SVIL: variants seen among roughly 807,000 people sequenced by gnomAD.
The protein encoded by SVIL is supervillin, also known as archvillin.
Under a neutral mutation model 240.4 loss-of-function variants are expected in SVIL, and 101 were observed. The observed-to-expected ratio is 0.42, with a 90% CI of 0.36 to 0.50. The LOEUF is 0.50. SVIL is among the 20% of genes least tolerant of loss of function. The probability of loss-of-function intolerance (pLI) is 0.01; values close to 1 mark genes in which losing one functional copy is unlikely to be tolerated. For synonymous variants in SVIL, 999 were observed against 1,100.0 expected, an observed-to-expected ratio of 0.91 and a Z score of 1.82; for missense variants, 2,512 against 2,818.7, an observed-to-expected ratio of 0.89 and a Z score of 2.46.
intron 1 of SVIL, among the ~76,000 whole-genome samples, chr10:29,588,809 C>T (rs923269733): frequency 6.6e-6 from 1 of 152,184 alleles, no homozygotes; most frequent in African/African-American, 2.4e-5. Flanking sequence ...AAATGCGTAA[C>T]TGACTTCCCC....
At position 29,533,391 on chromosome 10, in the gene SVIL, ACT is replaced by A; in HGVS notation, c.974_975del (p.Glu325ValfsTer20). ...SARNSPELAS[E>X]SVTQRRHQPA... Reference sequence around the variant, plus strand: ...GGCTGGTGTCTCCTCTGAGTTACGGACTCTGAGGCGAGTTCAGGGCTGTTTCG... The same window carrying A: ...GGCTGGTGTCTCCTCTGAGTTACGGACTGAGGCGAGTTCAGGGCTGTTTCG... On this transcript the variant is annotated frameshift_variant, in exon 8 of 38. Coordinates refer to ENST00000355867, the MANE Select transcript of SVIL (RefSeq NM_021738.3). LOFTEE classifies it high-confidence loss of function. 1 of 1,613,762 alleles carries A rather than the reference ACT, an allele frequency of 6.2e-7. No homozygotes were observed. Among genetic ancestry groups the A allele is most frequent in the Non-Finnish European group, 8.5e-7 (1 of 1,179,942 alleles).
chr10:29,488,518 A>G, intron 23 of SVIL, 83 bp downstream of exon 23: 1 of 1,398,010 alleles, frequency 7.2e-7, no homozygotes, highest in Non-Finnish European at 9.3e-7. Flanking sequence ...GGCACAGGCA[A>G]TGAATTACAG....
In SVIL at chr10:29,522,482, G is replaced by A. The variant is rs756071126; in HGVS notation, c.3317C>T (p.Ala1106Val). Residue 1106 changes from alanine (A) to valine (V), a missense_variant, in exon 16 of 38, where the codon GCT (alanine) becomes GTT (valine). By Grantham distance (64) the Ala-to-Val change is moderately conservative. Coordinates refer to ENST00000355867, the MANE Select transcript of SVIL (RefSeq NM_021738.3). ...LCKNPCAMFAAGEIKTPTGEG... is the reference protein window; with the variant it reads ...LCKNPCAMFAVGEIKTPTGEG... ...CCCTGTCGGCGTTTTGATCTCTCCA[G>A]CAGCAAACATCGCACATGGATTCTT... is the stretch of plus-strand genomic sequence containing the variant. 4.3e-6 allele frequency: 7 copies of A among 1,614,216 alleles called. No individual in the cohort carries two copies. In the South Asian group the frequency reaches 7.7e-5, roughly 18 times the overall value.
upstream of SVIL, among the ~76,000 whole-genome samples, chr10:29,638,733 C>A (rs1032858048): frequency 2.0e-5 from 3 of 152,070 alleles, no homozygotes; most frequent in Non-Finnish European, 4.4e-5. Flanking sequence ...AAATGGAAAG[C>A]ATTGCTTTCC....
At chr10:29,551,519 G>T (rs1437605742) in intron 5 of SVIL, among the ~76,000 whole-genome samples, 1 of 152,220 alleles carries the variant, frequency 6.6e-6, no homozygotes, top group East Asian at 1.9e-4. Context: ...TTTAACTTCA[G>T]CTCAGCCCCT....
At chr10:29,480,405 AG>A (rs1946698001) in intron 29 of SVIL, 131 bp downstream of exon 29, 1 of 1,153,610 alleles carries the variant, frequency 8.7e-7, no homozygotes, top group Non-Finnish European at 1.2e-6. Flanking sequence ...TGGCTCTCAA[AG>A]GCGCATGACT....
chr10:29,674,627 GT>G (rs1182872248), intron 2 of SVIL, among the ~76,000 whole-genome samples: 4 of 152,188 alleles, frequency 2.6e-5, no homozygotes, highest in Non-Finnish European at 5.9e-5. Flanking sequence ...CATTTGGATT[GT>G]TTGCTATAGC....
At chr10:29,624,461 G>T (rs1957788137) in intron 1 of SVIL, among the ~76,000 whole-genome samples, 1 of 152,124 alleles carries the variant, frequency 6.6e-6, no homozygotes, top group Non-Finnish European at 1.5e-5. Flanking sequence ...TCACCTGAAT[G>T]TGGGAGGCAG....
chr10:29,564,419 G>A (rs746030780), intron 2 of SVIL, among the ~76,000 whole-genome samples: 2 of 152,116 alleles, frequency 1.3e-5, no homozygotes, highest in African/African-American at 2.4e-5. Context: ...CTGCTGCCTC[G>A]AAGGAAGAAA....
chr10:29,530,868 C>T (rs750927653), intron 10 of SVIL, among the ~76,000 whole-genome samples, 200 bp from the exon 11 acceptor site: 2 of 152,234 alleles, frequency 1.3e-5, no homozygotes, highest in East Asian at 1.9e-4. Flanking sequence ...TGCAATTCAA[C>T]CCAGCCAAAC....
At chr10:29,603,395 G>C (rs921331290) in intron 1 of SVIL, among the ~76,000 whole-genome samples, 6 of 152,138 alleles carry the variant, frequency 3.9e-5, no homozygotes, top group African/African-American at 1.4e-4. Context: ...AGTTCTGTGG[G>C]GCATGCTGTG....
chr10:29,637,401 C>T (rs1028512768), upstream of SVIL, among the ~76,000 whole-genome samples: 3 of 152,108 alleles, frequency 2.0e-5, no homozygotes, highest in East Asian at 1.9e-4. Flanking sequence ...GCAGGAGCAT[C>T]GCTTGAACCC....
At chr10:29,682,326 C>T (rs1242944691) in intron 2 of SVIL, among the ~76,000 whole-genome samples, 1 of 152,138 alleles carries the variant, frequency 6.6e-6, no homozygotes, top group Non-Finnish European at 1.5e-5. Context: ...ATGATGAAGT[C>T]ACAGACGAAG....
At chr10:29,506,490 A>G (rs1202708673) in intron 17 of SVIL, among the ~76,000 whole-genome samples, 3 of 152,136 alleles carry the variant, frequency 2.0e-5, no homozygotes, top group Admixed American at 1.3e-4. Flanking sequence ...TCAGCTTCGC[A>G]TGTGAAACCC....
intron 6 of SVIL, among the ~76,000 whole-genome samples, chr10:29,540,361 G>A (rs1660816233): frequency 2.0e-5 from 3 of 152,150 alleles, no homozygotes; most frequent in South Asian, 2.1e-4. Flanking sequence ...CTCGGCACTC[G>A]GAACTATGTG....
Position 29,731,080 on chromosome 10 carries a change from C to G in SVIL, c.-400+4671G>C, listed in dbSNP as rs144418389. On this transcript the variant is annotated intron_variant, in intron 1 of 35. Transcript: ENST00000375400. ...GATTCTGCTCCTCGATTCTTACTGG[C>G]ACATCAACTTGCTACTCTGGCTTTA... is the stretch of plus-strand genomic sequence containing the variant. 3.9e-3 allele frequency among the ~76,000 whole-genome samples: 600 copies of G among 152,354 alleles called. 8 individuals carry two copies. Among genetic ancestry groups the G allele is most frequent in the African/African-American group, 0.013 (561 of 41,594 alleles).
chr10:29,720,934 C>G (rs1564360733), intron 1 of SVIL, among the ~76,000 whole-genome samples: 1 of 152,142 alleles, frequency 6.6e-6, no homozygotes. Flanking sequence ...GCAACCTCTG[C>G]CTCCTGGATT....
intron 32 of SVIL, 146 bp downstream of exon 32, chr10:29,470,130 G>T: frequency 1.2e-6 from 1 of 860,964 alleles, no homozygotes; most frequent in Non-Finnish European, 1.8e-6. Flanking sequence ...GAATGTCAGA[G>T]GCCCCTGACC....
intron 1 of SVIL, among the ~76,000 whole-genome samples, chr10:29,613,490 G>A (rs1270437749): frequency 6.6e-6 from 1 of 151,900 alleles, no homozygotes; most frequent in Non-Finnish European, 1.5e-5. Context: ...ATATTACCAT[G>A]CCCAGCCACT....
Sources: gnomAD v4.1 joint callset for allele counts (sites outside exome capture counted in the v4.1 genomes callset) on GRCh38, gnomAD v4.1.1 for gene constraint, MANE v1.5 for transcripts, NCBI Gene and HGNC (gene_info 2026-07-23, HGNC 2026-07-21) for gene names.